LRMDA: variants seen among roughly 807,000 people sequenced by gnomAD.
LRMDA encodes the protein leucine-rich melanocyte differentiation-associated protein.
In LRMDA, 18 loss-of-function variants were observed where a neutral mutation model predicts 29.8. The ratio of observed to expected loss-of-function variants is 0.60; its 90% CI spans 0.42 to 0.90. The LOEUF is 0.90. Among genes scored for constraint, LRMDA ranks in the 40% least tolerant of loss-of-function variants. The pLI, the probability that LRMDA is intolerant of heterozygous loss-of-function variation, is 0.00. For missense variants in LRMDA, 273 were observed against 273.9 expected, an observed-to-expected ratio of 1.00 and a Z score of 0.02; for synonymous variants, 125 against 109.4, an observed-to-expected ratio of 1.14 and a Z score of -0.89.
intron 2 of LRMDA, among the ~76,000 whole-genome samples, chr10:75,746,194 T>C (rs1480340297): frequency 3.3e-5 from 5 of 152,204 alleles, no homozygotes; most frequent in Non-Finnish European, 5.9e-5. Context: ...ATGTTTTATA[T>C]AGTGTAAATG....
chr10:75,872,578 A>G (rs1389487477), intron 2 of LRMDA, among the ~76,000 whole-genome samples: 3 of 152,192 alleles, frequency 2.0e-5, no homozygotes, highest in African/African-American at 7.2e-5. Context: ...TGGTGGGATT[A>G]CAGGTGTGAG....
At chr10:75,748,250 C>CTGG (rs1842912483) in intron 2 of LRMDA, among the ~76,000 whole-genome samples, 2 of 152,104 alleles carry the variant, frequency 1.3e-5, no homozygotes, top group Non-Finnish European at 1.5e-5. Context: ...CACACCACCA[C>CTGG]ACCTGGCTAA....
intron 6 of LRMDA, among the ~76,000 whole-genome samples, chr10:76,348,306 C>A (rs1411065807): frequency 6.6e-6 from 1 of 152,004 alleles, no homozygotes; most frequent in Non-Finnish European, 1.5e-5. Context: ...CCATCACGGG[C>A]AATGTGGTAG....
chr10:76,007,900 T>C (rs770124045), intron 2 of LRMDA, among the ~76,000 whole-genome samples: 1 of 152,184 alleles, frequency 6.6e-6, no homozygotes, highest in Admixed American at 6.5e-5. Context: ...ATCCAGTAAT[T>C]TATTCGATTT....
At chr10:76,368,963 C>T (rs955513737) in intron 6 of LRMDA, among the ~76,000 whole-genome samples, 1 of 152,062 alleles carries the variant, frequency 6.6e-6, no homozygotes, top group African/African-American at 2.4e-5. Context: ...TGCCTTTTTC[C>T]ACTCCTTCAC....
intron 5 of LRMDA, among the ~76,000 whole-genome samples, chr10:76,208,082 A>T (rs1338022414): frequency 2.0e-5 from 3 of 152,192 alleles, no homozygotes; most frequent in Non-Finnish European, 4.4e-5. Flanking sequence ...AAACTTGTTT[A>T]TGCCAGTTTT....
intron 2 of LRMDA, among the ~76,000 whole-genome samples, chr10:75,897,385 G>A (rs1442353763): frequency 1.3e-5 from 2 of 152,200 alleles, no homozygotes; most frequent in Non-Finnish European, 2.9e-5. Context: ...CCTTGCAGAA[G>A]TGGGGAACAC....
intron 2 of LRMDA, among the ~76,000 whole-genome samples, chr10:75,606,048 G>T (rs935585387): frequency 1.4e-5 from 2 of 143,488 alleles, no homozygotes; most frequent in Non-Finnish European, 2.9e-5. Context: ...TGCAGAGATG[G>T]GGTTTCATCA....
In LRMDA at chr10:75,803,445, G is replaced by A. The variant is rs189322234; in HGVS notation, c.132-232563G>A. ...GAAGGCTGGGGTAACAAGTCCTGCC[G>A]GGAGACTGTAAGAGGTTGCATGGCA... On this transcript the variant is annotated intron_variant, in intron 2 of 6. Coordinates refer to ENST00000611255, the MANE Select transcript of LRMDA (RefSeq NM_001305581.2). Among the ~76,000 whole-genome samples, 11 of 152,314 alleles carry A rather than the reference G, an allele frequency of 7.2e-5. 1 individual carries two copies. In the South Asian group the frequency reaches 1.9e-3, roughly 26 times the overall value.
chr10:75,845,591 A>G (rs753265262), intron 2 of LRMDA, among the ~76,000 whole-genome samples: 20 of 152,250 alleles, frequency 1.3e-4, no homozygotes, highest in Non-Finnish European at 2.5e-4. Flanking sequence ...GGAGAAGTCC[A>G]GGATGCCAGG....
intron 2 of LRMDA, among the ~76,000 whole-genome samples, chr10:75,658,562 CA>C (rs1219209061): frequency 3.3e-5 from 5 of 152,116 alleles, no homozygotes; most frequent in African/African-American, 1.2e-4. Context: ...GGACAATTCC[CA>C]AAGCACATTT....
chr10:76,510,402 C>G (rs1842998930), intron 6 of LRMDA, among the ~76,000 whole-genome samples: 1 of 115,782 alleles, frequency 8.6e-6, no homozygotes, highest in Non-Finnish European at 2.1e-5. Context: ...GAGACATAAA[C>G]CTGTGGCATG....
chr10:75,506,899 C>G (rs972733158), intron 2 of LRMDA, among the ~76,000 whole-genome samples: 1 of 152,170 alleles, frequency 6.6e-6, no homozygotes, highest in African/African-American at 2.4e-5. Context: ...GAAGCAATGG[C>G]AGAGGAAGTT....
intron 6 of LRMDA, among the ~76,000 whole-genome samples, chr10:76,529,547 G>T (rs1843212496): frequency 6.6e-6 from 1 of 152,166 alleles, no homozygotes; most frequent in East Asian, 1.9e-4. Context: ...ATCATAGTAA[G>T]CCTGTTAAAA....
chr10:75,817,177 C>G (rs555196813), intron 2 of LRMDA, among the ~76,000 whole-genome samples: 3 of 152,176 alleles, frequency 2.0e-5, no homozygotes, highest in Non-Finnish European at 4.4e-5. Flanking sequence ...AAGGCAGTGC[C>G]TCTGTCTTTT....
chr10:75,496,635 G>A (rs1382024379), intron 2 of LRMDA, among the ~76,000 whole-genome samples: 1 of 152,072 alleles, frequency 6.6e-6, no homozygotes, highest in Non-Finnish European at 1.5e-5. Context: ...TGTGAGATGG[G>A]TATACCATGA....
chr10:76,330,167 G>T (rs1564726072), intron 6 of LRMDA, among the ~76,000 whole-genome samples: 1 of 152,114 alleles, frequency 6.6e-6, no homozygotes, highest in Non-Finnish European at 1.5e-5. Context: ...AGAATGATGC[G>T]ATACTTTTCC....
chr10:75,847,314 T>A (rs1326067010), intron 2 of LRMDA, among the ~76,000 whole-genome samples: 1 of 152,214 alleles, frequency 6.6e-6, no homozygotes, highest in Admixed American at 6.5e-5. Context: ...TGCAAAAGAA[T>A]ACAGTTGGGT....
chr10:75,481,393 G>A (rs1403562585), intron 2 of LRMDA, among the ~76,000 whole-genome samples: 2 of 152,234 alleles, frequency 1.3e-5, no homozygotes, highest in African/African-American at 4.8e-5. Context: ...CTGCAAAGAG[G>A]AAAAACAGGA....
Sources: allele counts gnomAD v4.1 joint callset (sites outside exome capture counted in the v4.1 genomes callset), GRCh38; gene constraint gnomAD v4.1.1; transcripts MANE v1.5; gene names NCBI Gene and HGNC (gene_info 2026-07-23, HGNC 2026-07-21).